The following TRIM59 variants were observed in gnomAD, a reference collection of about 807,000 sequenced individuals.
TRIM59 encodes tripartite motif-containing protein 59.
TRIM59 carries 14 observed loss-of-function variants against 32.2 expected under a neutral mutation model. That is an observed-to-expected ratio of 0.43 (90% CI 0.29 to 0.68). The LOEUF is 0.68. TRIM59 is among the 30% of genes least tolerant of loss of function. The pLI, the probability that TRIM59 is intolerant of heterozygous loss-of-function variation, is 0.15. For missense variants in TRIM59, 471 were observed against 463.3 expected (o/e 1.02, Z -0.15); for synonymous variants, 163 against 155.1 (o/e 1.05, Z -0.38).
At position 160,436,357 on chromosome 3, in the gene TRIM59, G is replaced by A. The variant is rs1718945512; in HGVS notation, c.*1615C>T. 2.0e-6 allele frequency: 2 copies of A among 985,878 alleles called. No homozygotes were observed. The highest frequency in any genetic ancestry group is 1.7e-5 in the African/African-American group (1 of 57,204). The allele number at this position is 985,878 out of a possible 1,614,324, so 61.1% of individuals were successfully genotyped here. On this transcript the variant is annotated 3_prime_UTR_variant, in exon 3 of 3. Coordinates refer to ENST00000309784, the MANE Select transcript of TRIM59 (RefSeq NM_173084.3). ...CGGTGATCCAAGAGCAGCCCCTTTG[G>A]GATTTCTGGAAAGCAAATCAACCTG...
Position 160,435,699 on chromosome 3 carries a change from G to A in TRIM59, c.*2273C>T, listed in dbSNP as rs958622123. ...AAAATGAAAAGTTCTCCTAAAAACT[G>A]GCAAGATACAAAATGTCAAATCTAA... On this transcript the variant is annotated 3_prime_UTR_variant, in exon 3 of 3. Transcript: ENST00000309784. 1 of 250,826 alleles carries A rather than the reference G, an allele frequency of 4.0e-6. No homozygotes were observed. The highest frequency in any genetic ancestry group is 8.1e-6 in the Non-Finnish European group (1 of 123,302). The allele number at this position is 250,826 out of a possible 1,614,324, so 15.5% of individuals were successfully genotyped here.
chr3:160,448,728 T>C lies in TRIM59; in HGVS notation c.-6A>G, dbSNP rs1191619773. 7.8e-7 allele frequency: 1 copy of C among 1,280,856 alleles called. No homozygotes were observed. Among genetic ancestry groups the C allele is most frequent in the Admixed American group, 2.3e-5 (1 of 43,266 alleles). 79.3% of individuals were successfully genotyped at this position (1,280,856 alleles called of 1,614,324 possible). On this transcript the variant is annotated splice_region_variant and 5_prime_UTR_variant, in exon 2 of 3. Transcript: ENST00000309784. ...ATTTAATCTCCCAGATTACCTACTT[T>C]GTTGATCTCGTGGTTTGGGGGCTGA...
rs895274943 is a variant in TRIM59 at position 160,437,995 on chromosome 3, C to G, written c.1189G>C (p.Val397Leu). The stretch of plus-strand genomic sequence containing the variant: ...TTTCAATGGGAAACTATTTTCCACA[C>G]AAATTCCTTCAACAAATAGAAAATG... ...CHIFYLLKEF[V>L]WKIVSH is the part of the protein sequence containing the mutation. The change falls in exon 3 of 3, where the codon GTG becomes CTG. Residue 397 changes from valine to leucine, a missense_variant. Physicochemically the swap from Val to Leu is conservative, Grantham distance 32. Coordinates refer to ENST00000309784, the MANE Select transcript of TRIM59 (RefSeq NM_173084.3). The G allele has an allele frequency of 6.4e-7, 1 of 1,552,250 alleles. No homozygotes were observed. The highest frequency in any genetic ancestry group is 2.3e-5 in the East Asian group (1 of 44,306).
In TRIM59 at chr3:160,438,048, A is replaced by C; in HGVS notation, c.1136T>G (p.Leu379Arg). ...LSVYQSLSNS[L>R]HKVKNILCHI... ...ACACAGTATATTCTTTACCTTATGCAGACTGTTAGATAAACTTTGGTAAAC... is the reference window on the plus strand; with the variant it reads ...ACACAGTATATTCTTTACCTTATGCCGACTGTTAGATAAACTTTGGTAAAC... The change falls in exon 3 of 3, where the codon CTG (leucine) becomes CGG (arginine). Residue 379 changes from leucine to arginine, a missense_variant. Leu to Arg is a moderately radical substitution (Grantham distance 102). Coordinates refer to ENST00000309784, the MANE Select transcript of TRIM59 (RefSeq NM_173084.3). 1 of 1,601,322 alleles carries C rather than the reference A, an allele frequency of 6.2e-7. No homozygotes were observed. Among genetic ancestry groups the C allele is most frequent in the Non-Finnish European group, 8.5e-7 (1 of 1,176,638 alleles).
chr3:160,441,232 T>C (rs1190069681), intron 2 of TRIM59, among the ~76,000 whole-genome samples: 2 of 152,216 alleles, frequency 1.3e-5, no homozygotes, highest in Admixed American at 6.5e-5. Context: ...CATTAGAATG[T>C]AGGCCTCCTA....
chr3:160,448,019 C>T (rs1303496999), intron 2 of TRIM59, among the ~76,000 whole-genome samples: 2 of 152,076 alleles, frequency 1.3e-5, no homozygotes, highest in East Asian at 3.9e-4. Flanking sequence ...GAGAGATCAC[C>T]TTAACTTTTT....
rs141819524 is a variant in TRIM59, at chr3:160,438,859, A to G, written c.325T>C (p.Cys109Arg). 9.0e-5 allele frequency: 145 copies of G among 1,614,092 alleles called. No individual in the cohort carries two copies. The highest frequency in any genetic ancestry group is 5.9e-4 in the African/African-American group (44 of 75,044). ...EHYRQPLNVY[C>R]LLDKKLVCGH... ...CAAACTAATTTTTTATCTAATAGAC[A>G]GTAAACATTTAATGGTTGCCTGTAA... The change falls in exon 3 of 3, where the codon TGT becomes CGT. Residue 109 changes from cysteine to arginine, a missense_variant. Cys to Arg is a radical substitution (Grantham distance 180, BLOSUM62 -3). Coordinates refer to ENST00000309784, the MANE Select transcript of TRIM59 (RefSeq NM_173084.3).
chr3:160,449,561 A>C, intron 1 of TRIM59, 156 bp downstream of exon 1: 1 of 1,286,142 alleles, frequency 7.8e-7, no homozygotes, highest in African/African-American at 1.5e-5. Flanking sequence ...CCAGTATGGG[A>C]CAAGAGGGAA....
rs1019293137 is a variant in TRIM59, at chr3:160,435,978, G to A, written c.*1994C>T. 28 of 1,269,962 alleles carry A rather than the reference G, an allele frequency of 2.2e-5. No homozygotes were observed. The highest frequency in any genetic ancestry group is 1.7e-4 in the Admixed American group (7 of 40,296). 78.7% of individuals were successfully genotyped at this position (1,269,962 alleles called of 1,614,324 possible). On this transcript the variant is annotated 3_prime_UTR_variant, in exon 3 of 3. Transcript: ENST00000309784. ...TAATGGCTAACATTTCATTGCTTAC[G>A]TGTTTTTGAAACTACAGGGCACTTT...
At position 160,435,711 on chromosome 3, in the gene TRIM59, A is replaced by G. The variant is rs578057616; in HGVS notation, c.*2261T>C. On this transcript the variant is annotated 3_prime_UTR_variant, in exon 3 of 3. Transcript: ENST00000309784. Reference sequence around the variant, plus strand: ...TCTCCTAAAAACTGGCAAGATACAAAATGTCAAATCTAAAATGATATATAT... The same window carrying G: ...TCTCCTAAAAACTGGCAAGATACAAGATGTCAAATCTAAAATGATATATAT... 47 of 255,478 alleles carry G rather than the reference A, an allele frequency of 1.8e-4. No individual in the cohort carries two copies. Among genetic ancestry groups the G allele is most frequent in the African/African-American group, 1.0e-3 (46 of 44,256 alleles). 15.8% of individuals were successfully genotyped at this position (255,478 alleles called of 1,614,324 possible).
rs762899445 is a variant in TRIM59, at chr3:160,448,782, C to A, written c.-60G>T. ...CACTCTTCTCCAACTCCTCCAGAAT[C>A]TTTTATTCTTATTCTAAAATTAAAA... is the stretch of plus-strand genomic sequence containing the variant. On this transcript the variant is annotated 5_prime_UTR_variant, in exon 2 of 3. Coordinates refer to ENST00000309784, the MANE Select transcript of TRIM59 (RefSeq NM_173084.3). The A allele has an allele frequency of 7.1e-6, 9 of 1,265,448 alleles. No individual in the cohort carries two copies. The highest frequency in any genetic ancestry group is 9.2e-6 in the Non-Finnish European group (9 of 978,278). The allele number at this position is 1,265,448 out of a possible 1,614,324, so 78.4% of individuals were successfully genotyped here.
chr3:160,449,214 A>G (rs867059147), intron 1 of TRIM59, among the ~76,000 whole-genome samples: 18 of 152,222 alleles, frequency 1.2e-4, no homozygotes, highest in Non-Finnish European at 2.9e-5. Flanking sequence ...TGCCATTTCA[A>G]TGCTGTGGGA....
At position 160,438,058 on chromosome 3, in the gene TRIM59, A is replaced by G; in HGVS notation, c.1126T>C (p.Ser376Pro). 6.2e-7 allele frequency: 1 copy of G among 1,607,736 alleles called. No homozygotes were observed. The highest frequency in any genetic ancestry group is 2.2e-5 in the East Asian group (1 of 44,774). The change falls in exon 3 of 3, where the codon TCT becomes CCT. Residue 376 changes from serine to proline, a missense_variant. Ser to Pro is a moderately conservative substitution (Grantham distance 74, BLOSUM62 -1). Coordinates refer to ENST00000309784, the MANE Select transcript of TRIM59 (RefSeq NM_173084.3). ...EASLSVYQSL[S>P]NSLHKVKNIL... Reference sequence around the variant, plus strand: ...TTCTTTACCTTATGCAGACTGTTAGATAAACTTTGGTAAACAGATAGAGAG... The same window carrying G: ...TTCTTTACCTTATGCAGACTGTTAGGTAAACTTTGGTAAACAGATAGAGAG...
At position 160,436,444 on chromosome 3, in the gene TRIM59, C is replaced by T. The variant is rs1158215504; in HGVS notation, c.*1528G>A. ...AACACATGCATCATAACTCCAGTCC[C>T]TGTTAAAGGGAACTAAAGGGCTTTG... On this transcript the variant is annotated 3_prime_UTR_variant, in exon 3 of 3. Coordinates refer to ENST00000309784, the MANE Select transcript of TRIM59 (RefSeq NM_173084.3). The T allele has an allele frequency of 1.0e-6, 1 of 985,788 alleles. No homozygotes were observed. The highest frequency in any genetic ancestry group is 1.7e-5 in the African/African-American group (1 of 57,250). The allele number at this position is 985,788 out of a possible 1,614,324, so 61.1% of individuals were successfully genotyped here.
intron 2 of TRIM59, among the ~76,000 whole-genome samples, chr3:160,440,914 A>C (rs1281702295): frequency 6.6e-6 from 1 of 152,236 alleles, no homozygotes; most frequent in Non-Finnish European, 1.5e-5. Flanking sequence ...CGTCTCAAAA[A>C]AAATAAACAC....
Position 160,436,259 on chromosome 3 carries a change from C to T in TRIM59, c.*1713G>A. On this transcript the variant is annotated 3_prime_UTR_variant, in exon 3 of 3. Coordinates refer to ENST00000309784, the MANE Select transcript of TRIM59 (RefSeq NM_173084.3). ...AGCTGTATTTATGATAGTTTATGTG[C>T]AATCTGTAGGGCCAGGAGCATAGTC... 1 of 992,034 alleles carries T rather than the reference C, an allele frequency of 1.0e-6. No homozygotes were observed. Among genetic ancestry groups the T allele is most frequent in the Non-Finnish European group, 1.2e-6 (1 of 834,044 alleles). The allele number at this position is 992,034 out of a possible 1,614,324, so 61.5% of individuals were successfully genotyped here. A position where few individuals can be genotyped will look rare whatever the true frequency, so the allele number is the denominator to read the frequency against.
intron 1 of TRIM59, chr3:160,449,059 C>G (rs1719680760): frequency 4.3e-6 from 1 of 234,440 alleles, no homozygotes; most frequent in Non-Finnish European, 8.6e-6. Flanking sequence ...CAATATTACC[C>G]AACAATGGTG....
In TRIM59 at chr3:160,435,743, G is replaced by A. The variant is rs895917934; in HGVS notation, c.*2229C>T. 8.9e-6 allele frequency: 3 copies of A among 336,794 alleles called. No individual in the cohort carries two copies. The highest frequency in any genetic ancestry group is 8.3e-5 in the East Asian group (1 of 12,040). 20.9% of individuals were successfully genotyped at this position (336,794 alleles called of 1,614,324 possible). On this transcript the variant is annotated 3_prime_UTR_variant, in exon 3 of 3. Transcript: ENST00000309784. Reference sequence around the variant, plus strand: ...AATCTAAAATGATATATATACTTACGTTTTTAGCATTCTTACAGATTACAA... The same window carrying A: ...AATCTAAAATGATATATATACTTACATTTTTAGCATTCTTACAGATTACAA...
In TRIM59 at chr3:160,437,511, G is replaced by A. The variant is rs1384528658; in HGVS notation, c.*461C>T. 13 of 985,498 alleles carry A rather than the reference G, an allele frequency of 1.3e-5. No homozygotes were observed. The highest frequency in any genetic ancestry group is 6.1e-5 in the Admixed American group (1 of 16,270). The allele number at this position is 985,498 out of a possible 1,614,324, so 61.0% of individuals were successfully genotyped here. Reference sequence around the variant, plus strand: ...TTTAAGCCATGCCTTATCACTTTAAGACTTTGTTGCTTGATTTTGAAACCT... The same window carrying A: ...TTTAAGCCATGCCTTATCACTTTAAAACTTTGTTGCTTGATTTTGAAACCT... On this transcript the variant is annotated 3_prime_UTR_variant, in exon 3 of 3. Coordinates refer to ENST00000309784, the MANE Select transcript of TRIM59 (RefSeq NM_173084.3).
Sources: gnomAD v4.1 joint callset for allele counts (sites outside exome capture counted in the v4.1 genomes callset) on GRCh38, gnomAD v4.1.1 for gene constraint, MANE v1.5 for transcripts, NCBI Gene and HGNC (gene_info 2026-07-23, HGNC 2026-07-21) for gene names.